Variants in SRRM4 observed in about 807,000 individuals in gnomAD.
The protein encoded by SRRM4 is serine/arginine repetitive matrix 4, also known as serine/arginine repetitive matrix protein 4.
Under a neutral mutation model 68.9 loss-of-function variants are expected in SRRM4, and 33 were observed. The ratio of observed to expected loss-of-function variants is 0.48; its 90% CI spans 0.36 to 0.64. The LOEUF is 0.64. Ranked by LOEUF, SRRM4 falls within the 30% of genes least tolerant of loss-of-function variation. The probability of loss-of-function intolerance (pLI) is 0.00; values close to 1 mark genes in which losing one functional copy is unlikely to be tolerated. For synonymous variants in SRRM4, 318 were observed against 318.8 expected (o/e 1.00, Z 0.03); for missense variants, 817 against 827.1 (o/e 0.99, Z 0.15).
chr12:119,022,383 C>CG (rs1159600804), intron 1 of SRRM4, among the ~76,000 whole-genome samples: 3 of 152,126 alleles, frequency 2.0e-5, no homozygotes, highest in African/African-American at 7.2e-5. Context: ...GGTTATTACC[C>CG]GGTGGGGCCA....
chr12:119,152,902 A>G (rs1954448636), intron 10 of SRRM4, among the ~76,000 whole-genome samples: 2 of 152,354 alleles, frequency 1.3e-5, no homozygotes. Flanking sequence ...AATCAAGAGC[A>G]CTTTGAAACC....
intron 1 of SRRM4, among the ~76,000 whole-genome samples, chr12:119,003,998 TATTTA>T (rs1565887246): frequency 6.6e-6 from 1 of 152,082 alleles, no homozygotes; most frequent in Non-Finnish European, 1.5e-5. Flanking sequence ...ATTGATCAGT[TATTTA>T]ATTAATAAAA....
Position 119,154,151 on chromosome 12 carries a change from G to A in SRRM4, c.1392-92G>A. The A allele has an allele frequency of 8.2e-7, 1 of 1,221,608 alleles. No individual in the cohort carries two copies. Among genetic ancestry groups the A allele is most frequent in the Non-Finnish European group, 1.2e-6 (1 of 862,506 alleles). 75.7% of individuals were successfully genotyped at this position (1,221,608 alleles called of 1,614,324 possible). On this transcript the variant is annotated intron_variant, in intron 11 of 12. Coordinates refer to ENST00000267260, the MANE Select transcript of SRRM4 (RefSeq NM_194286.4). The surrounding 1 kb of genome is among the most constrained non-coding windows in gnomAD (Gnocchi z 4.7). ...AGACCCCATCCCGTGACCCAGTGGG[G>A]TGGGAAAGAAAGGGAGTGTCCCTCT...
Position 119,159,701 on chromosome 12 carries a change from T to C in SRRM4, c.*2903T>C, listed in dbSNP as rs1484636806. 6.6e-6 allele frequency: 1 copy of C among 152,126 alleles called. No homozygotes were observed. The highest frequency in any genetic ancestry group is 1.5e-5 in the Non-Finnish European group (1 of 68,024). The allele number at this position is 152,126 out of a possible 1,614,324, so 9.4% of individuals were successfully genotyped here. A position where few individuals can be genotyped will look rare whatever the true frequency, so the allele number is the denominator to read the frequency against. ...GAGCACACCTAGTTGGTTTCATGTA[T>C]GTTACACATGCTTCCACTCCACAGT... On this transcript the variant is annotated 3_prime_UTR_variant, in exon 13 of 13. Transcript: ENST00000267260.
intron 2 of SRRM4, among the ~76,000 whole-genome samples, chr12:119,109,682 G>A (rs1004412849): frequency 1.3e-5 from 2 of 152,062 alleles, no homozygotes; most frequent in Admixed American, 6.6e-5. Context: ...GTCATTTAAG[G>A]TCTTCTCTAC....
chr12:119,046,072 T>A lies in SRRM4; in HGVS notation c.132-56164T>A, dbSNP rs139383846. ...TAATAAAATTAAAAATAATAATAAT[T>A]ATTATTATTAACAATCCCAGCGACC... On this transcript the variant is annotated intron_variant, in intron 1 of 12. Coordinates refer to ENST00000267260, the MANE Select transcript of SRRM4 (RefSeq NM_194286.4). 4.0e-3 allele frequency among the ~76,000 whole-genome samples: 599 copies of A among 150,904 alleles called. 2 individuals carry two copies. Among genetic ancestry groups the A allele is most frequent in the African/African-American group, 0.013 (541 of 41,170 alleles).
chr12:119,044,801 T>C (rs1477196499), intron 1 of SRRM4, among the ~76,000 whole-genome samples: 1 of 152,174 alleles, frequency 6.6e-6, no homozygotes, highest in Non-Finnish European at 1.5e-5. Context: ...AGAAGGCACC[T>C]GAGACCCCCA....
intron 9 of SRRM4, 34 bp downstream of exon 9, chr12:119,145,719 T>TCTCC: frequency 6.9e-7 from 1 of 1,455,054 alleles, no homozygotes; most frequent in Non-Finnish European, 9.1e-7. Context: ...GGGTAGACGG[T>TCTCC]CTCCCACCTT....
intron 1 of SRRM4, among the ~76,000 whole-genome samples, chr12:119,101,001 T>C (rs1954074997): frequency 6.6e-6 from 1 of 152,104 alleles, no homozygotes; most frequent in South Asian, 2.1e-4. Context: ...CAGAGATGGA[T>C]GTGTTTTGCT....
rs1052345039 is a variant in SRRM4 at position 119,160,299 on chromosome 12, C to G, written c.*3501C>G. The stretch of plus-strand genomic sequence containing the variant: ...TCTGTCTCTCTCTCTGTCTCTCTCT[C>G]TCTCTCTCTCTCTCTCTCTCTCTCA... On this transcript the variant is annotated 3_prime_UTR_variant, in exon 13 of 13. Coordinates refer to ENST00000267260, the MANE Select transcript of SRRM4 (RefSeq NM_194286.4). 7 of 62,352 alleles carry G rather than the reference C, an allele frequency of 1.1e-4. No individual in the cohort carries two copies. The highest frequency in any genetic ancestry group is 2.6e-4 in the East Asian group (1 of 3,912). 3.9% of individuals were successfully genotyped at this position (62,352 alleles called of 1,614,324 possible).
At chr12:119,109,077 A>G (rs1312444251) in intron 2 of SRRM4, among the ~76,000 whole-genome samples, 2 of 152,240 alleles carry the variant, frequency 1.3e-5, no homozygotes, top group East Asian at 3.9e-4. Flanking sequence ...TCCTTCACTT[A>G]TGAAGCCTAG....
intron 1 of SRRM4, among the ~76,000 whole-genome samples, chr12:118,982,445 T>A (rs1047092405): frequency 6.6e-6 from 1 of 152,080 alleles, no homozygotes; most frequent in African/African-American, 2.4e-5. Context: ...CACATTTCCA[T>A]CCTCGGCTCG....
rs1391821030 is a variant in SRRM4, at chr12:119,145,542, C to T, written c.933C>T (p.Ser311=). Residue 311 remains serine, a synonymous_variant, in exon 9 of 13, where the codon AGC becomes AGT. Transcript: ENST00000267260. ...SARSRGQEKG[S]PSGGLSKSRE... is the part of the protein sequence containing the mutation. Reference sequence around the variant, plus strand: ...GGTCTCGGGGCCAGGAGAAGGGGAGCCCCAGTGGGGGCTTGAGCAAGAGCC... The same window carrying T: ...GGTCTCGGGGCCAGGAGAAGGGGAGTCCCAGTGGGGGCTTGAGCAAGAGCC... 4.4e-6 allele frequency: 7 copies of T among 1,607,124 alleles called. No individual in the cohort carries two copies. Among genetic ancestry groups the T allele is most frequent in the Admixed American group, 1.7e-5 (1 of 59,134 alleles).
chr12:119,103,890 G>T (rs1954091537), intron 2 of SRRM4, among the ~76,000 whole-genome samples: 1 of 152,186 alleles, frequency 6.6e-6, no homozygotes, highest in Non-Finnish European at 1.5e-5. Context: ...TGTAATCCCA[G>T]CACTCTGGAG....
intron 1 of SRRM4, among the ~76,000 whole-genome samples, chr12:119,081,161 G>C (rs1299860649): frequency 1.3e-5 from 2 of 152,182 alleles, no homozygotes; most frequent in African/African-American, 4.8e-5. Context: ...TCTAGTGGGA[G>C]TAAGGGGCTC....
At chr12:119,125,572 A>G in intron 7 of SRRM4, 93 bp downstream of exon 7, 1 of 1,112,894 alleles carries the variant, frequency 9.0e-7, no homozygotes. Flanking sequence ...CACTTCCAGC[A>G]CAGGGTTTGG....
chr12:118,982,675 T>TTTTTTG (rs368615909), intron 1 of SRRM4, among the ~76,000 whole-genome samples: 10 of 94,688 alleles, frequency 1.1e-4, no homozygotes, highest in Non-Finnish European at 2.0e-4. Flanking sequence ...TTTTGTTTTT[T>TTTTTTG]TTTGTTTTTT....
Position 118,981,908 on chromosome 12 carries a change from A to G in SRRM4, c.26A>G (p.Lys9Arg). MASVQQGE[K>R]QLFEKFWRGT... ...ATGGCGAGCGTTCAGCAAGGCGAGA[A>G]GCAGCTTTTTGAGAAGTTCTGGCGA... The change falls in exon 1 of 13, where the codon AAG becomes AGG. Residue 9 changes from lysine to arginine, a missense_variant. Transcript: ENST00000267260. 6.2e-7 allele frequency: 1 copy of G among 1,613,652 alleles called. No homozygotes were observed. Among genetic ancestry groups the G allele is most frequent in the Non-Finnish European group, 8.5e-7 (1 of 1,179,778 alleles).
chr12:119,143,555 C>T lies in SRRM4; in HGVS notation c.772-1826C>T, dbSNP rs576355133. ...GTGCCAGGATATGACATGGCAGTGG[C>T]GGGAGAATCTGGCCCTGGAACCATC... On this transcript the variant is annotated intron_variant, in intron 8 of 12. Transcript: ENST00000267260. Among the ~76,000 whole-genome samples the T allele has an allele frequency of 4.2e-4, 64 of 152,222 alleles. 1 individual carries two copies. Among genetic ancestry groups the T allele is most frequent in the African/African-American group, 1.3e-3 (52 of 41,534 alleles).
Sources: gnomAD v4.1 joint callset for allele counts (sites outside exome capture counted in the v4.1 genomes callset) on GRCh38, gnomAD v4.1.1 for gene constraint, Gnocchi (gnomAD v3.1) non-coding constraint, MANE v1.5 for transcripts, NCBI Gene and HGNC (gene_info 2026-07-23, HGNC 2026-07-21) for gene names.